Variants in ADGRF3 observed in about 807,000 individuals in gnomAD.
ADGRF3 encodes adhesion G protein-coupled receptor F3.
A neutral mutation model predicts 93.2 loss-of-function variants in ADGRF3; 85 were observed. That is an observed-to-expected ratio of 0.91 (90% CI 0.77 to 1.09). The LOEUF (loss-of-function observed/expected upper bound fraction) is 1.09. Ranked by LOEUF, ADGRF3 falls within the 50% of genes least tolerant of loss-of-function variation. ADGRF3 has a pLI of 0.00. For synonymous variants in ADGRF3, 534 were observed against 532.5 expected (o/e 1.00, Z -0.04); for missense variants, 1,125 against 1,246.2 (o/e 0.90, Z 1.46).
At chr2:26,345,051 G>C (rs1209977431) in intron 1 of ADGRF3, among the ~76,000 whole-genome samples, 1 of 152,164 alleles carries the variant, frequency 6.6e-6, no homozygotes, top group East Asian at 1.9e-4. Flanking sequence ...GCTCCCTGAA[G>C]TAGTGGTTTC....
intron 1 of ADGRF3, chr2:26,319,148 G>T: frequency 7.9e-7 from 1 of 1,268,870 alleles, no homozygotes; most frequent in South Asian, 1.5e-5. Flanking sequence ...AGAGGGGAGG[G>T]AGCCAGGGCT....
chr2:26,313,632 G>A, intron 7 of ADGRF3, 59 bp from the exon 8 acceptor site: 1 of 1,567,874 alleles, frequency 6.4e-7, no homozygotes, highest in African/African-American at 1.3e-5. Context: ...GCCTCTCCTT[G>A]GGCAGAACCC....
At chr2:26,330,481 C>T (rs1675702536) in intron 1 of ADGRF3, among the ~76,000 whole-genome samples, 1 of 152,124 alleles carries the variant, frequency 6.6e-6, no homozygotes, top group Non-Finnish European at 1.5e-5. Flanking sequence ...CAGGTGGGGC[C>T]TTGTAGCAGA....
At chr2:26,324,624 C>T (rs12992134) in intron 1 of ADGRF3, among the ~76,000 whole-genome samples, 42,731 of 152,094 alleles carry the variant, frequency 0.28, 7,055 homozygotes, top group Middle Eastern at 0.38. Flanking sequence ...GCCTCCAGCT[C>T]CATCCATGTC....
chr2:26,321,673 A>G lies in ADGRF3; in HGVS notation c.115-4111T>C, dbSNP rs139297481. 4.6e-5 allele frequency among the ~76,000 whole-genome samples: 7 copies of G among 152,260 alleles called. 1 individual carries two copies. In the East Asian group the frequency reaches 1.2e-3, roughly 25 times the overall value. ...TGAAGGAAGAAGGAACTCCGAGGAC[A>G]TTAGAAAGCTAATAGAGGCTGGGCG... On this transcript the variant is annotated intron_variant, in intron 1 of 13. Transcript: ENST00000651242.
chr2:26,311,212 G>C lies in ADGRF3; in HGVS notation c.2312C>G (p.Pro771Arg). The change falls in exon 10 of 14, where the codon CCG becomes CGG. Residue 771 changes from proline to arginine, a missense_variant. Pro to Arg is a moderately radical substitution (Grantham distance 103). Coordinates refer to ENST00000651242, the MANE Select transcript of ADGRF3 (RefSeq NM_001321971.2). ...APFLSPGPRS[P>R]LCLAAAFLCH... Reference sequence around the variant, plus strand: ...GAGGAAGGCGGCAGCAAGGCAGAGCGGGCTTCGGGGCCCTGGAGAGAGGAA... The same window carrying C: ...GAGGAAGGCGGCAGCAAGGCAGAGCCGGCTTCGGGGCCCTGGAGAGAGGAA... 6.2e-7 allele frequency: 1 copy of C among 1,603,056 alleles called. No individual in the cohort carries two copies. Among genetic ancestry groups the C allele is most frequent in the Non-Finnish European group, 8.5e-7 (1 of 1,175,052 alleles).
intron 1 of ADGRF3, among the ~76,000 whole-genome samples, chr2:26,329,140 TG>T (rs1472468507): frequency 6.6e-6 from 1 of 152,236 alleles, no homozygotes; most frequent in Non-Finnish European, 1.5e-5. Flanking sequence ...ACTTTATTTA[TG>T]TAATTATTTT....
rs1676757203 is a variant in ADGRF3, at chr2:26,346,379, T to C, written c.-145A>G. 5 of 1,409,042 alleles carry C rather than the reference T, an allele frequency of 3.5e-6. No individual in the cohort carries two copies. The highest frequency in any genetic ancestry group is 4.6e-6 in the Non-Finnish European group (5 of 1,076,086). 87.3% of individuals were successfully genotyped at this position (1,409,042 alleles called of 1,614,324 possible). On this transcript the variant is annotated 5_prime_UTR_variant, in exon 1 of 14. Coordinates refer to ENST00000651242, the MANE Select transcript of ADGRF3 (RefSeq NM_001321971.2). ...GCGCGGCGCGGTCCGTGTCACCTTG[T>C]GCCGCGTGGCTCCGGGCGGGCTGGC...
At position 26,321,987 on chromosome 2, in the gene ADGRF3, C is replaced by T. The variant is rs1248295956; in HGVS notation, c.115-4425G>A. 5.8e-5 allele frequency among the ~76,000 whole-genome samples: 7 copies of T among 121,074 alleles called. 1 individual carries two copies. Among genetic ancestry groups the T allele is most frequent in the Admixed American group, 5.2e-4 (6 of 11,522 alleles). 79.4% of individuals were successfully genotyped at this position (121,074 alleles called of 152,430 possible). A position where few individuals can be genotyped will look rare whatever the true frequency, so the allele number is the denominator to read the frequency against. ...GACTCCTCAAAAAAAAAAAAAAAAG[C>T]AAGCTGATAGAGGCTGGGTGCAGTG... On this transcript the variant is annotated intron_variant, in intron 1 of 13. Coordinates refer to ENST00000651242, the MANE Select transcript of ADGRF3 (RefSeq NM_001321971.2).
Position 26,311,523 on chromosome 2 carries a change from C to T in ADGRF3, c.2001G>A (p.Gln667=). 1 of 1,614,034 alleles carries T rather than the reference C, an allele frequency of 6.2e-7. No homozygotes were observed. The highest frequency in any genetic ancestry group is 8.5e-7 in the Non-Finnish European group (1 of 1,179,908). Residue 667 remains glutamine (Q), a synonymous_variant, in exon 10 of 14, where the codon CAG becomes CAA. Coordinates refer to ENST00000651242, the MANE Select transcript of ADGRF3 (RefSeq NM_001321971.2). The part of the protein sequence containing the change: ...GRGGWSKEGC[Q]AQVASASPTA... ...TGGGGCTGGCACTGGCCACCTGTGC[C>T]TGGCACCCTTCTTTGGACCAACCCC...
chr2:26,336,350 A>T (rs62130516), intron 1 of ADGRF3, among the ~76,000 whole-genome samples: 3 of 64,428 alleles, frequency 4.7e-5, no homozygotes, highest in Admixed American at 1.4e-4. Flanking sequence ...GTGTGTTTGT[A>T]TGTATGTGTG....
intron 8 of ADGRF3, 29 bp from the exon 9 acceptor site, chr2:26,313,151 G>A (rs1574700881): frequency 6.2e-7 from 1 of 1,611,468 alleles, no homozygotes; most frequent in Non-Finnish European, 8.5e-7. Context: ...CATGAAGTGG[G>A]ACACATGGTG....
Position 26,308,506 on chromosome 2 carries a change from A to G in ADGRF3, c.*580T>C, listed in dbSNP as rs1673743092. The G allele has an allele frequency of 6.6e-6, 1 of 152,358 alleles. No individual in the cohort carries two copies. Among genetic ancestry groups the G allele is most frequent in the Non-Finnish European group, 1.5e-5 (1 of 68,178 alleles). The allele number at this position is 152,358 out of a possible 1,614,324, so 9.4% of individuals were successfully genotyped here. On this transcript the variant is annotated 3_prime_UTR_variant, in exon 14 of 14. Coordinates refer to ENST00000651242, the MANE Select transcript of ADGRF3 (RefSeq NM_001321971.2). ...CTCATATCAATCAATGCCTCTATAC[A>G]TGGATATGGTTAAGAAACTTACATT...
In ADGRF3 at chr2:26,345,865, C is replaced by T. The variant is rs187499211; in HGVS notation, c.114+256G>A. The T allele has an allele frequency of 9.3e-5, 46 of 494,242 alleles. 1 individual carries two copies. In the East Asian group the frequency reaches 1.1e-3, roughly 12 times the overall value. The allele number at this position is 494,242 out of a possible 1,614,324, so 30.6% of individuals were successfully genotyped here. ...CGCTGGGAAATTGACCTTTCACCCCCTCTCTTGCCTTACCTCAGCTCACCA... is the reference window on the plus strand; with the variant it reads ...CGCTGGGAAATTGACCTTTCACCCCTTCTCTTGCCTTACCTCAGCTCACCA... On this transcript the variant is annotated intron_variant, in intron 1 of 13. Transcript: ENST00000651242.
In ADGRF3 at chr2:26,311,032, C is replaced by T; in HGVS notation, c.2492G>A (p.Gly831Asp). 6.2e-7 allele frequency: 1 copy of T among 1,611,366 alleles called. No homozygotes were observed. Among genetic ancestry groups the T allele is most frequent in the South Asian group, 1.1e-5 (1 of 90,424 alleles). The change falls in exon 10 of 14, where the codon GGT becomes GAT. Residue 831 changes from glycine to aspartate, a missense_variant. By Grantham distance (94) the Gly-to-Asp change is moderately conservative. Coordinates refer to ENST00000651242, the MANE Select transcript of ADGRF3 (RefSeq NM_001321971.2). ...AGGTAGGTAGAGCCCCAGGGTGACA[C>T]CTGCCAACCCCAGTGGGCACAGGTA... The part of the protein sequence containing the change: ...LGYLCPLGLA[G>D]VTLGLYLPQG...
intron 1 of ADGRF3, among the ~76,000 whole-genome samples, chr2:26,323,000 G>T (rs920742605): frequency 5.3e-5 from 8 of 152,000 alleles, no homozygotes; most frequent in African/African-American, 1.9e-4. Context: ...TTAGCCAGGG[G>T]TGGTGGTGGG....
At position 26,314,443 on chromosome 2, in the gene ADGRF3, G is replaced by A. The variant is rs148181027; in HGVS notation, c.899C>T (p.Ala300Val). Residue 300 changes from alanine (A) to valine (V), a missense_variant, in exon 6 of 14, where the codon GCG (alanine) becomes GTG (valine). Coordinates refer to ENST00000651242, the MANE Select transcript of ADGRF3 (RefSeq NM_001321971.2). ...CIPSTNLAYT[A>V]AWSPGEGSKA... Reference sequence around the variant, plus strand: ...GCTGCCCTCTCCAGGGCTCCAGGCCGCGGTGTAGGCCAGGTTTGTGCTGGG... The same window carrying A: ...GCTGCCCTCTCCAGGGCTCCAGGCCACGGTGTAGGCCAGGTTTGTGCTGGG... The A allele has an allele frequency of 6.1e-5, 98 of 1,613,822 alleles. No individual in the cohort carries two copies. The East Asian group carries it at 1.0e-3, about 17-fold the overall frequency.
chr2:26,317,630 G>A, intron 1 of ADGRF3, 68 bp from the exon 2 acceptor site: 2 of 1,359,736 alleles, frequency 1.5e-6, no homozygotes, highest in Non-Finnish European at 2.1e-6. Context: ...AGCCTGACTA[G>A]TCTCAGCCAG....
chr2:26,340,072 G>A (rs1402557946), intron 1 of ADGRF3, among the ~76,000 whole-genome samples: 1 of 152,148 alleles, frequency 6.6e-6, no homozygotes, highest in Non-Finnish European at 1.5e-5. Flanking sequence ...GTTAGACTCT[G>A]CAAGCAGTGA....
Sources: gnomAD v4.1 joint callset for allele counts (sites outside exome capture counted in the v4.1 genomes callset) on GRCh38, gnomAD v4.1.1 for gene constraint, MANE v1.5 for transcripts, NCBI Gene and HGNC (gene_info 2026-07-23, HGNC 2026-07-21) for gene names.